The following TTBK2 variants were observed in gnomAD, a reference collection of about 807,000 sequenced individuals.
TTBK2 encodes the protein tau-tubulin kinase 2.
TTBK2 carries 28 observed loss-of-function variants against 110.8 expected under a neutral mutation model. That is an observed-to-expected ratio of 0.25 (90% confidence interval 0.19 to 0.35). The LOEUF is 0.35. Ranked by LOEUF, TTBK2 falls within the 10% of genes least tolerant of loss-of-function variation. TTBK2 has a pLI of 1.00. For missense variants in TTBK2, 1,369 were observed against 1,500.3 expected, an observed-to-expected ratio of 0.91 and a Z score of 1.45; for synonymous variants, 532 against 527.3, an observed-to-expected ratio of 1.01 and a Z score of -0.12.
At chr15:42,805,544 G>C (rs1207181318) in intron 9 of TTBK2, among the ~76,000 whole-genome samples, 1 of 152,138 alleles carries the variant, frequency 6.6e-6, no homozygotes, top group African/African-American at 2.4e-5. Context: ...AATATGACTA[G>C]ATCACATAAG....
chr15:42,840,147 T>G (rs1893159515), intron 4 of TTBK2, among the ~76,000 whole-genome samples: 1 of 152,200 alleles, frequency 6.6e-6, no homozygotes, highest in Non-Finnish European at 1.5e-5. Context: ...TGACAATCAG[T>G]AAAGATACAG....
At position 42,777,191 on chromosome 15, in the gene TTBK2, C is replaced by T; in HGVS notation, c.1249G>A (p.Ala417Thr). 1 of 1,614,178 alleles carries T rather than the reference C, an allele frequency of 6.2e-7. No homozygotes were observed. The highest frequency in any genetic ancestry group is 8.5e-7 in the Non-Finnish European group (1 of 1,180,038). The change falls in exon 12 of 15, where the codon GCT becomes ACT. Residue 417 changes from alanine (A) to threonine (T), a missense_variant. Coordinates refer to ENST00000267890, the MANE Select transcript of TTBK2 (RefSeq NM_173500.4). ...CGAATTGGTGACCCAAGGCTTGGAGCATTGAGAAGACCATTTGCCTGGCCA... is the reference window on the plus strand; with the variant it reads ...CGAATTGGTGACCCAAGGCTTGGAGTATTGAGAAGACCATTTGCCTGGCCA... ...SHGQANGLLN[A>T]PSLGSPIRVR...
intron 1 of TTBK2, among the ~76,000 whole-genome samples, 172 bp from the exon 2 acceptor site, chr15:42,878,856 A>G (rs1240527912): frequency 6.6e-6 from 1 of 152,194 alleles, no homozygotes; most frequent in Non-Finnish European, 1.5e-5. Flanking sequence ...AAAACCACGT[A>G]TCTTTCTATT....
At chr15:42,836,039 T>G (rs1892972039) in intron 4 of TTBK2, among the ~76,000 whole-genome samples, 1 of 152,204 alleles carries the variant, frequency 6.6e-6, no homozygotes, top group African/African-American at 2.4e-5. Flanking sequence ...ACCTCTGTAG[T>G]TGATGTACTT....
chr15:42,859,357 C>T (rs1306794107), intron 3 of TTBK2, among the ~76,000 whole-genome samples: 6 of 152,208 alleles, frequency 3.9e-5, no homozygotes, highest in Admixed American at 2.6e-4. Context: ...ATCCACCCAC[C>T]TCAGCCTCCC....
At chr15:42,774,988 A>T in intron 13 of TTBK2, 147 bp downstream of exon 13, 2 of 719,606 alleles carry the variant, frequency 2.8e-6, no homozygotes, top group Non-Finnish European at 4.6e-6. Flanking sequence ...TGGAGGGTTG[A>T]CTATAGAACT....
intron 6 of TTBK2, among the ~76,000 whole-genome samples, chr15:42,825,537 C>T (rs2140973415): frequency 6.6e-6 from 1 of 152,076 alleles, no homozygotes; most frequent in South Asian, 2.1e-4. Flanking sequence ...ATGGTGAAAC[C>T]CCATGTCTAC....
At chr15:42,831,316 C>T (rs112659095) in intron 4 of TTBK2, among the ~76,000 whole-genome samples, 2,452 of 152,240 alleles carry the variant, frequency 0.016, 32 homozygotes, top group South Asian at 0.025. Context: ...CCATCTCAGC[C>T]TCCTGACATG....
chr15:42,900,485 G>A (rs2029921980), intron 1 of TTBK2, among the ~76,000 whole-genome samples: 1 of 152,112 alleles, frequency 6.6e-6, no homozygotes, highest in African/African-American at 2.4e-5. Context: ...TTAGGAGGCT[G>A]ACACAGGCCG....
chr15:42,912,476 A>G (rs2030822343), intron 1 of TTBK2, among the ~76,000 whole-genome samples: 3 of 151,448 alleles, frequency 2.0e-5, no homozygotes, highest in African/African-American at 4.9e-5. Flanking sequence ...GGAGGCCCCA[A>G]GGTGGGTGGA....
At position 42,780,060 on chromosome 15, in the gene TTBK2, T is replaced by C. The variant is rs1236611915; in HGVS notation, c.1198-2818A>G. Among the ~76,000 whole-genome samples the C allele has an allele frequency of 4.6e-5, 7 of 151,576 alleles. No homozygotes were observed. The East Asian group carries it at 1.4e-3, about 30-fold the overall frequency. On this transcript the variant is annotated intron_variant, in intron 11 of 14. Coordinates refer to ENST00000267890, the MANE Select transcript of TTBK2 (RefSeq NM_173500.4). Reference sequence around the variant, plus strand: ...CTGTTTGAGACAGAGTCTCACTCTGTCACCTAGGCTGGAGTGCAGTGGCGC... The same window carrying C: ...CTGTTTGAGACAGAGTCTCACTCTGCCACCTAGGCTGGAGTGCAGTGGCGC...
At chr15:42,841,644 G>A (rs1567054559) in intron 3 of TTBK2, among the ~76,000 whole-genome samples, 1 of 152,148 alleles carries the variant, frequency 6.6e-6, no homozygotes, top group Admixed American at 6.6e-5. Context: ...CGGCAATGAG[G>A]CGGGTAGACC....
At chr15:42,865,858 C>T (rs970091258) in intron 3 of TTBK2, among the ~76,000 whole-genome samples, 2 of 152,046 alleles carry the variant, frequency 1.3e-5, no homozygotes, top group Non-Finnish European at 2.9e-5. Context: ...AACAAGACAA[C>T]AGATAGAAAA....
At chr15:42,763,153 T>TATACATATATATATATATATATAC (rs1889131149) in intron 13 of TTBK2, among the ~76,000 whole-genome samples, 1 of 56,834 alleles carries the variant, frequency 1.8e-5, no homozygotes, top group Non-Finnish European at 2.8e-5. Context: ...CATATATATA[T>TATACATATATATATATATATATAC]ATACATATAT....
At chr15:42,809,474 A>G (rs1352716885) in intron 9 of TTBK2, among the ~76,000 whole-genome samples, 2 of 152,246 alleles carry the variant, frequency 1.3e-5, no homozygotes, top group East Asian at 3.8e-4. Context: ...AATTTTGTCA[A>G]TAAGAAACTA....
chr15:42,893,626 G>A (rs562266735), intron 1 of TTBK2, among the ~76,000 whole-genome samples: 6 of 148,160 alleles, frequency 4.0e-5, no homozygotes, highest in African/African-American at 9.9e-5. Flanking sequence ...GGAAACAAAA[G>A]ACAAAATAAT....
intron 11 of TTBK2, among the ~76,000 whole-genome samples, chr15:42,783,087 G>C (rs1740144232): frequency 6.6e-6 from 1 of 152,134 alleles, no homozygotes; most frequent in African/African-American, 2.4e-5. Flanking sequence ...TGACTCCCAT[G>C]ACTGAACATA....
At chr15:42,782,885 T>C (rs945818511) in intron 11 of TTBK2, among the ~76,000 whole-genome samples, 3 of 152,178 alleles carry the variant, frequency 2.0e-5, no homozygotes, top group African/African-American at 7.2e-5. Flanking sequence ...ACTAGTGATT[T>C]TTTTTTTGCT....
At chr15:42,852,081 T>C (rs188908951) in intron 3 of TTBK2, among the ~76,000 whole-genome samples, 2 of 152,182 alleles carry the variant, frequency 1.3e-5, no homozygotes, top group South Asian at 2.1e-4. Context: ...ACTTTTTTTT[T>C]TTTTTTTAGA....
Sources: allele counts gnomAD v4.1 joint callset (sites outside exome capture counted in the v4.1 genomes callset), GRCh38; gene constraint gnomAD v4.1.1; transcripts MANE v1.5; gene names NCBI Gene and HGNC (gene_info 2026-07-23, HGNC 2026-07-21).